Variants in TMBIM6 observed in about 807,000 individuals in gnomAD.
The protein encoded by TMBIM6 is transmembrane BAX inhibitor motif containing 6, also known as bax inhibitor 1.
TMBIM6 carries 13 observed loss-of-function variants against 31.4 expected under a neutral mutation model. The ratio of observed to expected loss-of-function variants is 0.41; its 90% CI spans 0.27 to 0.66. The LOEUF (loss-of-function observed/expected upper bound fraction) is 0.66, where lower values mean the gene tolerates loss of function less well. Ranked by LOEUF, TMBIM6 falls within the 30% of genes least tolerant of loss-of-function variation. TMBIM6 has a pLI of 0.28. For synonymous variants in TMBIM6, 85 were observed against 101.7 expected (o/e 0.84, Z 0.99); for missense variants, 275 against 289.5 (o/e 0.95, Z 0.36).
At chr12:49,759,836 G>A (rs1014590081) in intron 8 of TMBIM6, among the ~76,000 whole-genome samples, 1 of 150,452 alleles carries the variant, frequency 6.6e-6, no homozygotes, top group African/African-American at 2.5e-5. Flanking sequence ...GTGGGGGCCG[G>A]GCACGGTGGC....
intron 1 of TMBIM6, chr12:49,742,102 A>C: frequency 6.2e-7 from 1 of 1,600,414 alleles, no homozygotes. Flanking sequence ...AGCGGCCCGG[A>C]GCCAAGACTC....
At chr12:49,741,769 G>C in intron 1 of TMBIM6, 158 bp downstream of exon 1, 1 of 250,540 alleles carries the variant, frequency 4.0e-6, no homozygotes, top group Non-Finnish European at 7.9e-6. Context: ...GGAAAACAGG[G>C]TGTGGAGGGA....
rs1311384934 is a variant in TMBIM6, at chr12:49,753,026, G to T, written c.110G>T (p.Cys37Phe). Residue 37 changes from cysteine to phenylalanine, a missense_variant, in exon 3 of 10, where the codon TGT (cysteine) becomes TTT (phenylalanine). Transcript: ENST00000267115. ...AAGGTCTATGCAAGTTTTGCCCTTTGTATGTTTGTGGCGGCTGCAGGGGCC... is the reference window on the plus strand; with the variant it reads ...AAGGTCTATGCAAGTTTTGCCCTTTTTATGTTTGTGGCGGCTGCAGGGGCC... The part of the protein sequence containing the change: ...LKKVYASFAL[C>F]MFVAAAGAYV... 6.2e-7 allele frequency: 1 copy of T among 1,614,044 alleles called. No individual in the cohort carries two copies.
intron 8 of TMBIM6, among the ~76,000 whole-genome samples, 178 bp downstream of exon 8, chr12:49,759,499 A>AT (rs1945671823): frequency 6.6e-6 from 1 of 152,144 alleles, no homozygotes; most frequent in Non-Finnish European, 1.5e-5. Flanking sequence ...AAGATTTCAG[A>AT]TTTTTTAAAA....
intron 1 of TMBIM6, chr12:49,742,059 G>A: frequency 2.6e-6 from 4 of 1,549,592 alleles, no homozygotes; most frequent in Non-Finnish European, 3.5e-6. Context: ...GTTCGGCTGC[G>A]GGCGGGTCCT....
intron 1 of TMBIM6, chr12:49,743,454 C>G (rs770640682): frequency 6.6e-6 from 1 of 152,054 alleles, no homozygotes; most frequent in South Asian, 2.1e-4. Context: ...AGCCTGGTCT[C>G]GAACTCCACA....
chr12:49,748,703 A>G (rs1945440432), intron 1 of TMBIM6, among the ~76,000 whole-genome samples: 1 of 152,144 alleles, frequency 6.6e-6, no homozygotes, highest in East Asian at 1.9e-4. Context: ...GTATAGGCAG[A>G]TTTTCCACAA....
intron 1 of TMBIM6, chr12:49,750,506 G>A: frequency 6.6e-6 from 1 of 152,206 alleles, no homozygotes; most frequent in Non-Finnish European, 1.5e-5. Flanking sequence ...TGCTGTAAGT[G>A]TGCTCTCTAG....
At chr12:49,752,629 T>C (rs1458117244) in intron 2 of TMBIM6, 80 bp downstream of exon 2, 1 of 1,236,146 alleles carries the variant, frequency 8.1e-7, no homozygotes, top group African/African-American at 1.5e-5. Context: ...TTATAACTTT[T>C]GTGTGTATAA....
chr12:49,752,580 C>G (rs1417178977), intron 2 of TMBIM6, 31 bp downstream of exon 2: 4 of 1,528,882 alleles, frequency 2.6e-6, no homozygotes, highest in Non-Finnish European at 3.6e-6. Context: ...TGGTTTTGTA[C>G]TGCATTTCTT....
At chr12:49,755,247 A>G (rs1196078689) in intron 3 of TMBIM6, among the ~76,000 whole-genome samples, 1 of 151,952 alleles carries the variant, frequency 6.6e-6, no homozygotes, top group Non-Finnish European at 1.5e-5. Flanking sequence ...GTGAGCCACC[A>G]TGTTTTTTTT....
chr12:49,746,021 T>C (rs1177794942), intron 1 of TMBIM6, among the ~76,000 whole-genome samples: 1 of 152,106 alleles, frequency 6.6e-6, no homozygotes, highest in African/African-American at 2.4e-5. Context: ...TCTATACTTT[T>C]ACCAGTAATG....
chr12:49,760,545 T>TG (rs1196553455), intron 8 of TMBIM6, among the ~76,000 whole-genome samples: 5 of 149,114 alleles, frequency 3.4e-5, no homozygotes, highest in Non-Finnish European at 7.4e-5. Context: ...TTTTTTTTTT[T>TG]TTTTTTTTTT....
chr12:49,755,837 CTTTT>C (rs369987981), intron 4 of TMBIM6, 82 bp downstream of exon 4: 49 of 1,125,252 alleles, frequency 4.4e-5, no homozygotes, highest in Middle Eastern at 2.8e-4. Context: ...CTTTTTTTTT[CTTTT>C]TTTTTTTTTT....
At chr12:49,754,590 G>A (rs898067629) in intron 3 of TMBIM6, among the ~76,000 whole-genome samples, 1 of 152,050 alleles carries the variant, frequency 6.6e-6, no homozygotes, top group East Asian at 1.9e-4. Context: ...CAGGAACAAG[G>A]GTTTACTAAT....
At chr12:49,744,307 T>C (rs1945351151) in intron 1 of TMBIM6, 2 of 152,182 alleles carry the variant, frequency 1.3e-5, no homozygotes, top group African/African-American at 2.4e-5. Flanking sequence ...AGAGAAACCA[T>C]TGAATATTCT....
intron 9 of TMBIM6, 56 bp downstream of exon 9, chr12:49,761,835 T>G: frequency 6.4e-7 from 1 of 1,561,608 alleles, no homozygotes; most frequent in South Asian, 1.1e-5. Context: ...GCTTGGCATG[T>G]GTGTATACTT....
Position 49,759,174 on chromosome 12 carries a change from C to A in TMBIM6, c.514-47C>A, listed in dbSNP as rs781451200. 6 of 1,487,946 alleles carry A rather than the reference C, an allele frequency of 4.0e-6. No individual in the cohort carries two copies. The East Asian group carries it at 1.4e-4, about 34-fold the overall frequency. 92.2% of individuals were successfully genotyped at this position (1,487,946 alleles called of 1,614,324 possible). The stretch of plus-strand genomic sequence containing the variant: ...CAGAAAGTATGGCTGGTTTTTTTTT[C>A]TCTGCAACTTCTGCTGTATAGTAAC... On this transcript the variant is annotated intron_variant, in intron 7 of 9. Coordinates refer to ENST00000267115, the MANE Select transcript of TMBIM6 (RefSeq NM_003217.3).
At chr12:49,759,075 C>A in intron 7 of TMBIM6, 146 bp from the exon 8 acceptor site, 1 of 701,570 alleles carries the variant, frequency 1.4e-6, no homozygotes, top group East Asian at 2.7e-5. Flanking sequence ...GTGGTCTTCA[C>A]CCTAGGCTGC....
Sources: gnomAD v4.1 joint callset for allele counts (sites outside exome capture counted in the v4.1 genomes callset) on GRCh38, gnomAD v4.1.1 for gene constraint, MANE v1.5 for transcripts, NCBI Gene and HGNC (gene_info 2026-07-23, HGNC 2026-07-21) for gene names.